COL6A6: variants seen among roughly 807,000 people sequenced by gnomAD.
COL6A6 encodes the protein collagen type VI alpha 6 chain, also known as collagen alpha-6(VI) chain.
COL6A6 carries 183 observed loss-of-function variants against 208.6 expected under a neutral mutation model. The ratio of observed to expected loss-of-function variants is 0.88; its 90% CI spans 0.78 to 0.99. The LOEUF (loss-of-function observed/expected upper bound fraction) is 0.99. Among genes scored for constraint, COL6A6 ranks in the 50% least tolerant of loss-of-function variants. The pLI is 0.00. For synonymous variants in COL6A6, 973 were observed against 1,011.8 expected, an observed-to-expected ratio of 0.96 and a Z score of 0.73; for missense variants, 2,816 against 2,815.2, an observed-to-expected ratio of 1.00 and a Z score of -0.01.
intron 24 of COL6A6, among the ~76,000 whole-genome samples, chr3:130,624,171 G>C (rs2064818624): frequency 1.3e-5 from 2 of 152,182 alleles, no homozygotes; most frequent in Non-Finnish European, 2.9e-5. Flanking sequence ...TCTAGGAAAG[G>C]TTGATGTGGG....
chr3:130,621,933 G>A, intron 24 of COL6A6, 50 bp downstream of exon 24: 1 of 1,473,604 alleles, frequency 6.8e-7, no homozygotes, highest in Non-Finnish European at 9.5e-7. Flanking sequence ...CTGCTCAAGA[G>A]AACTGTGTCT....
intron 12 of COL6A6, among the ~76,000 whole-genome samples, chr3:130,590,284 TATATATATATATA>T (rs2063654975): frequency 4.2e-5 from 1 of 23,898 alleles, no homozygotes; most frequent in Non-Finnish European, 9.0e-5. Flanking sequence ...TATATATATA[TATATATATATATA>T]TATTTTTTTT....
intron 8 of COL6A6, among the ~76,000 whole-genome samples, chr3:130,577,808 T>C (rs2107979465): frequency 6.6e-6 from 1 of 152,330 alleles, no homozygotes; most frequent in Middle Eastern, 3.4e-3. Context: ...TGGTAAGTGT[T>C]CATTGAGAGT....
chr3:130,626,981 A>T (rs1336770412), intron 25 of COL6A6, among the ~76,000 whole-genome samples: 1 of 152,202 alleles, frequency 6.6e-6, no homozygotes, highest in Non-Finnish European at 1.5e-5. Context: ...TAGAAGTGTT[A>T]TCAGGGAGAG....
rs1267768082 is a variant in COL6A6 at position 130,581,614 on chromosome 3, C to G, written c.3601C>G (p.Gln1201Glu). 6.2e-7 allele frequency: 1 copy of G among 1,613,698 alleles called. No homozygotes were observed. Among genetic ancestry groups the G allele is most frequent in the East Asian group, 2.2e-5 (1 of 44,884 alleles). The change falls in exon 9 of 37, where the codon CAG becomes GAG. Residue 1201 changes from glutamine to glutamate, a missense_variant. By Grantham distance (29) the Gln-to-Glu change is conservative. Transcript: ENST00000358511. ...TGATGTCTCAACTCAGGAGAAAGGG[C>G]AGACTTTGCTTGAAGGTCAGCCTTG... ...GFDVSTQEKG[Q>E]TLLEGQPWME...
At chr3:130,650,127 C>T (rs1316082524) in intron 33 of COL6A6, among the ~76,000 whole-genome samples, 1 of 152,170 alleles carries the variant, frequency 6.6e-6, no homozygotes, top group East Asian at 1.9e-4. Context: ...AATAAATTCC[C>T]TGGGATTAAG....
intron 27 of COL6A6, among the ~76,000 whole-genome samples, 165 bp downstream of exon 27, chr3:130,634,790 G>A (rs565183853): frequency 6.6e-6 from 1 of 152,298 alleles, no homozygotes; most frequent in East Asian, 1.9e-4. Context: ...CAATTTTTAA[G>A]ATTATACATT....
At chr3:130,618,997 G>C (rs1027764270) in intron 23 of COL6A6, among the ~76,000 whole-genome samples, 2 of 152,116 alleles carry the variant, frequency 1.3e-5, no homozygotes, top group Non-Finnish European at 2.9e-5. Context: ...CTACTTCTCT[G>C]TGCAGTGCAT....
At chr3:130,553,845 T>G (rs2062704095) in intron 1 of COL6A6, among the ~76,000 whole-genome samples, 1 of 70,238 alleles carries the variant, frequency 1.4e-5, no homozygotes, top group Non-Finnish European at 5.2e-5. Context: ...GTTTTTTTTG[T>G]GTTTTTTTTT....
At chr3:130,594,665 A>C (rs1043290631) in intron 18 of COL6A6, among the ~76,000 whole-genome samples, 2 of 152,232 alleles carry the variant, frequency 1.3e-5, no homozygotes, top group African/African-American at 4.8e-5. Flanking sequence ...ACACAATGAC[A>C]GAAAGAAAGC....
At position 130,658,717 on chromosome 3, in the gene COL6A6, C is replaced by T. The variant is rs200683208; in HGVS notation, c.5775C>T (p.Ser1925=). 1,190 of 1,613,104 alleles carry T rather than the reference C, an allele frequency of 7.4e-4. No individual in the cohort carries two copies. The highest frequency in any genetic ancestry group is 9.3e-4 in the Non-Finnish European group (1,099 of 1,179,512). Residue 1925 remains serine (S), a synonymous_variant, in exon 34 of 37, where the codon TCC becomes TCT. Transcript: ENST00000358511. ...TGTFQVIVVP[S]GADYIPALER... ...CATTTCAAGTAATAGTGGTTCCCTC[C>T]GGGGCCGACTACATACCAGCATTAG...
chr3:130,668,083 G>A (rs1382558919), intron 36 of COL6A6, among the ~76,000 whole-genome samples: 1 of 151,268 alleles, frequency 6.6e-6, no homozygotes, highest in Admixed American at 6.6e-5. Flanking sequence ...AAAGACAGCA[G>A]AATCAAGTCA....
Position 130,568,032 on chromosome 3 carries a change from G to T in COL6A6, c.1844-15G>T. The T allele has an allele frequency of 6.3e-7, 1 of 1,584,188 alleles. No individual in the cohort carries two copies. The highest frequency in any genetic ancestry group is 8.6e-7 in the Non-Finnish European group (1 of 1,166,690). The stretch of plus-strand genomic sequence containing the variant: ...GTAGCTGACTTGAATAAACATCACA[G>T]TTTTTCCTATGCAGCTTGCAAAGAG... On this transcript the variant is annotated splice_polypyrimidine_tract_variant and intron_variant, in intron 5 of 36. Transcript: ENST00000358511.
intron 12 of COL6A6, among the ~76,000 whole-genome samples, chr3:130,590,368 C>T (rs1377323535): frequency 2.7e-5 from 3 of 111,550 alleles, no homozygotes; most frequent in African/African-American, 3.5e-5. Flanking sequence ...ACGTGCAGGT[C>T]TTTTACATAT....
At chr3:130,598,153 C>CT (rs910801550) in intron 18 of COL6A6, among the ~76,000 whole-genome samples, 1 of 152,186 alleles carries the variant, frequency 6.6e-6, no homozygotes, top group Admixed American at 6.5e-5. Context: ...TCCCCACACA[C>CT]ATGCCTTAGG....
chr3:130,521,034 A>G (rs1642769746), intron 1 of COL6A6, among the ~76,000 whole-genome samples: 2 of 152,200 alleles, frequency 1.3e-5, no homozygotes, highest in Non-Finnish European at 2.9e-5. Context: ...AAACCTCAGT[A>G]TTCTCCTTAA....
At chr3:130,666,262 T>C (rs1324821116) in intron 36 of COL6A6, among the ~76,000 whole-genome samples, 1 of 152,124 alleles carries the variant, frequency 6.6e-6, no homozygotes, top group South Asian at 2.1e-4. Context: ...TAGGGAAAAT[T>C]TGAGTATGAA....
chr3:130,663,227 T>C (rs778075888), intron 35 of COL6A6, among the ~76,000 whole-genome samples: 4 of 152,016 alleles, frequency 2.6e-5, no homozygotes, highest in Admixed American at 6.5e-5. Context: ...CCTTGGAGAT[T>C]GTTGTTGGGG....
chr3:130,639,530 A>G (rs1576376669), intron 28 of COL6A6, among the ~76,000 whole-genome samples: 1 of 152,158 alleles, frequency 6.6e-6, no homozygotes, highest in South Asian at 2.1e-4. Context: ...CCATCTCTAC[A>G]AAAAATACAA....
Sources: gnomAD v4.1 joint callset for allele counts (sites outside exome capture counted in the v4.1 genomes callset) on GRCh38, gnomAD v4.1.1 for gene constraint, MANE v1.5 for transcripts, NCBI Gene and HGNC (gene_info 2026-07-23, HGNC 2026-07-21) for gene names.